Variants in OLA1 observed in about 807,000 individuals in gnomAD.
OLA1 encodes obg-like ATPase 1.
In OLA1, 14 loss-of-function variants were observed where a neutral mutation model predicts 48.4. That is an observed-to-expected ratio of 0.29 (90% CI 0.19 to 0.45). The LOEUF is 0.45. Among genes scored for constraint, OLA1 ranks in the 20% least tolerant of loss-of-function variants. OLA1 has a pLI of 1.00. For synonymous variants in OLA1, 127 were observed against 150.4 expected, an observed-to-expected ratio of 0.84 and a Z score of 1.14; for missense variants, 325 against 467.1, an observed-to-expected ratio of 0.70 and a Z score of 2.80.
chr2:174,111,524 C>T (rs1160130735), intron 7 of OLA1, among the ~76,000 whole-genome samples: 1 of 152,152 alleles, frequency 6.6e-6, no homozygotes, highest in African/African-American at 2.4e-5. Context: ...CCCCAAAGTG[C>T]AGCATATAAT....
rs1254223063 is a variant in OLA1 at position 174,141,929 on chromosome 2, G to A, written c.445C>T (p.His149Tyr). 1.3e-6 allele frequency: 2 copies of A among 1,574,628 alleles called. No homozygotes were observed. The highest frequency in any genetic ancestry group is 2.9e-5 in the African/African-American group (2 of 68,006). ...TCATCTTTAAGCTGAAGCTCTTCAT[G>A]TATTATTTCTATATCTCGAATAGGA... The part of the protein sequence containing the change: ...VDPIRDIEII[H>Y]EELQLKDEEM... Residue 149 changes from histidine to tyrosine, a missense_variant, in exon 5 of 11, where the codon CAT (histidine) becomes TAT (tyrosine). Transcript: ENST00000284719.
chr2:174,160,122 C>T (rs1034951857), intron 4 of OLA1, among the ~76,000 whole-genome samples: 1 of 151,986 alleles, frequency 6.6e-6, no homozygotes, highest in Admixed American at 6.6e-5. Flanking sequence ...CATTAATCAT[C>T]AACAAGAACA....
At chr2:174,204,337 C>T (rs1688063007) in intron 4 of OLA1, among the ~76,000 whole-genome samples, 1 of 151,932 alleles carries the variant, frequency 6.6e-6, no homozygotes, top group African/African-American at 2.4e-5. Context: ...GGAGGCAAAG[C>T]TTGCAGTGAG....
intron 7 of OLA1, among the ~76,000 whole-genome samples, chr2:174,097,948 T>C (rs1320015280): frequency 6.6e-6 from 1 of 152,240 alleles, no homozygotes; most frequent in East Asian, 1.9e-4. Flanking sequence ...GTGGGGTATA[T>C]GTAGTTTCAT....
chr2:174,135,224 T>C (rs918088179), intron 5 of OLA1, among the ~76,000 whole-genome samples: 13 of 147,612 alleles, frequency 8.8e-5, no homozygotes, highest in Non-Finnish European at 1.0e-4. Flanking sequence ...TTCTGGTAAA[T>C]GACCTCATGT....
chr2:174,225,913 G>A lies in OLA1; in HGVS notation c.246-2753C>T, dbSNP rs868299823. On this transcript the variant is annotated intron_variant, in intron 3 of 10. Coordinates refer to ENST00000284719, the MANE Select transcript of OLA1 (RefSeq NM_013341.5). ...ATTTTCTATTGAAAATGAGCTTCTC[G>A]GCCGGGCGCGGTGGCTCACGCCTGT... Among the ~76,000 whole-genome samples, 3 of 40,092 alleles carry A rather than the reference G, an allele frequency of 7.5e-5. 1 individual carries two copies. Among genetic ancestry groups the A allele is most frequent in the Non-Finnish European group, 1.6e-4 (3 of 18,882 alleles). 26.3% of individuals were successfully genotyped at this position (40,092 alleles called of 152,430 possible).
chr2:174,121,298 T>TA (rs1685908789), intron 7 of OLA1, among the ~76,000 whole-genome samples: 1 of 152,180 alleles, frequency 6.6e-6, no homozygotes, highest in Non-Finnish European at 1.5e-5. Flanking sequence ...TTCCCACTCA[T>TA]AAATATATGA....
At chr2:174,136,381 T>C (rs1686309414) in intron 5 of OLA1, among the ~76,000 whole-genome samples, 1 of 152,224 alleles carries the variant, frequency 6.6e-6, no homozygotes, top group South Asian at 2.1e-4. Flanking sequence ...TTCAACAATA[T>C]TCACAGCATC....
chr2:174,144,146 A>G (rs1172889021), intron 4 of OLA1, among the ~76,000 whole-genome samples: 1 of 151,988 alleles, frequency 6.6e-6, no homozygotes, highest in Non-Finnish European at 1.5e-5. Flanking sequence ...AAAAAAACCA[A>G]ATTATTTTCT....
At chr2:174,109,097 T>C (rs17317701) in intron 7 of OLA1, among the ~76,000 whole-genome samples, 9,794 of 152,230 alleles carry the variant, frequency 0.064, 446 homozygotes, top group Non-Finnish European at 0.1. Flanking sequence ...GAAATAACTA[T>C]AAAATAGCAA....
At chr2:174,168,344 A>C (rs1574524151) in intron 4 of OLA1, among the ~76,000 whole-genome samples, 1 of 152,178 alleles carries the variant, frequency 6.6e-6, no homozygotes, top group Admixed American at 6.5e-5. Context: ...CCATCTAAGA[A>C]ATCGAGGTTG....
chr2:174,210,988 G>A (rs1368275575), intron 4 of OLA1, among the ~76,000 whole-genome samples: 1 of 152,138 alleles, frequency 6.6e-6, no homozygotes, highest in African/African-American at 2.4e-5. Flanking sequence ...CCACTTCCTG[G>A]CTCTACCTGG....
At chr2:174,090,765 G>A (rs1281556099) in intron 7 of OLA1, among the ~76,000 whole-genome samples, 1 of 152,166 alleles carries the variant, frequency 6.6e-6, no homozygotes, top group East Asian at 1.9e-4. Flanking sequence ...TCGGGTCTTA[G>A]GTACTGGGAT....
At chr2:174,193,325 G>A (rs2105425272) in intron 4 of OLA1, among the ~76,000 whole-genome samples, 1 of 152,160 alleles carries the variant, frequency 6.6e-6, no homozygotes, top group South Asian at 2.1e-4. Flanking sequence ...CCTGACCTCA[G>A]GTGATCCACC....
At chr2:174,217,806 C>G (rs1461428031) in intron 4 of OLA1, 3 of 152,104 alleles carry the variant, frequency 2.0e-5, no homozygotes, top group African/African-American at 7.2e-5. Flanking sequence ...TTCTTCCACT[C>G]AGCATAATTA....
intron 4 of OLA1, among the ~76,000 whole-genome samples, chr2:174,153,419 GA>G (rs1262422110): frequency 6.6e-6 from 1 of 152,120 alleles, no homozygotes; most frequent in Admixed American, 6.5e-5. Context: ...AGAAAGACAT[GA>G]AAAACATTAA....
At chr2:174,166,825 G>T (rs1285990914) in intron 4 of OLA1, among the ~76,000 whole-genome samples, 1 of 151,980 alleles carries the variant, frequency 6.6e-6, no homozygotes, top group Non-Finnish European at 1.5e-5. Flanking sequence ...TCCACCTTAT[G>T]GCCCCAAATT....
At chr2:174,135,851 A>C (rs1249852024) in intron 5 of OLA1, among the ~76,000 whole-genome samples, 2 of 152,226 alleles carry the variant, frequency 1.3e-5, no homozygotes, top group Non-Finnish European at 2.9e-5. Flanking sequence ...AGTTCCAATA[A>C]AGTGAGTATC....
chr2:174,119,451 ATG>A (rs965329148), intron 7 of OLA1, among the ~76,000 whole-genome samples: 2 of 152,266 alleles, frequency 1.3e-5, no homozygotes, highest in Admixed American at 6.5e-5. Context: ...ATATGCATAT[ATG>A]TGTTTGTATA....
Sources: allele counts gnomAD v4.1 joint callset (sites outside exome capture counted in the v4.1 genomes callset), GRCh38; gene constraint gnomAD v4.1.1; transcripts MANE v1.5; gene names NCBI Gene and HGNC (gene_info 2026-07-23, HGNC 2026-07-21).